TMEM132B: variants seen among roughly 807,000 people sequenced by gnomAD.
The protein encoded by TMEM132B is transmembrane protein 132B.
Under a neutral mutation model 90.8 loss-of-function variants are expected in TMEM132B, and 18 were observed. The ratio of observed to expected loss-of-function variants is 0.20; its 90% CI spans 0.14 to 0.29. The LOEUF is 0.29. Ranked by LOEUF, TMEM132B falls within the 10% of genes least tolerant of loss-of-function variation. The pLI, the probability that TMEM132B is intolerant of heterozygous loss-of-function variation, is 1.00. For synonymous variants in TMEM132B, 504 were observed against 523.3 expected, an observed-to-expected ratio of 0.96 and a Z score of 0.50; for missense variants, 1,096 against 1,326.8, an observed-to-expected ratio of 0.83 and a Z score of 2.70.
chr12:125,396,213 A>G (rs570494753), intron 2 of TMEM132B, among the ~76,000 whole-genome samples: 1 of 152,286 alleles, frequency 6.6e-6, no homozygotes, highest in South Asian at 2.1e-4. Context: ...TTCTGGTCTT[A>G]TGTGTGTGGG....
intron 4 of TMEM132B, among the ~76,000 whole-genome samples, chr12:125,577,806 T>G (rs1884971942): frequency 6.6e-6 from 1 of 152,062 alleles, no homozygotes; most frequent in African/African-American, 2.4e-5. Flanking sequence ...TGTGTTTTCA[T>G]TTTTACTCAT....
chr12:125,445,577 G>A lies in TMEM132B; in HGVS notation c.1106+29900G>A, dbSNP rs1239333421. On this transcript the variant is annotated intron_variant, in intron 3 of 8. Coordinates refer to ENST00000682704, the MANE Select transcript of TMEM132B (RefSeq NM_001366854.1). This position sits in a 1 kb window ranked among gnomAD's most constrained non-coding sequence, Gnocchi z 4.3. ...TTCTTCTTTTTCCTGCTGACATCTGGCTGCAGTGGTGCATGGGCAGGACAT... is the reference window on the plus strand; with the variant it reads ...TTCTTCTTTTTCCTGCTGACATCTGACTGCAGTGGTGCATGGGCAGGACAT... 6.6e-6 allele frequency among the ~76,000 whole-genome samples: 1 copy of A among 152,180 alleles called. No individual in the cohort carries two copies. The highest frequency in any genetic ancestry group is 1.9e-4 in the East Asian group (1 of 5,196).
chr12:125,370,898 G>A (rs1172573764), intron 2 of TMEM132B, among the ~76,000 whole-genome samples: 1 of 152,200 alleles, frequency 6.6e-6, no homozygotes, highest in Non-Finnish European at 1.5e-5. Context: ...ATATGACAGG[G>A]AGTTTATGAA....
intron 3 of TMEM132B, among the ~76,000 whole-genome samples, chr12:125,426,442 A>C (rs1880322274): frequency 6.6e-6 from 1 of 152,200 alleles, no homozygotes; most frequent in Middle Eastern, 3.2e-3. Context: ...ATGACTAAAA[A>C]GTTCTAAAGT....
At chr12:125,298,214 C>T (rs1875719014) in intron 1 of TMEM132B, among the ~76,000 whole-genome samples, 1 of 152,100 alleles carries the variant, frequency 6.6e-6, no homozygotes, top group Non-Finnish European at 1.5e-5. Context: ...TGCGCCACTG[C>T]ACTCCAGCTT....
intron 5 of TMEM132B, among the ~76,000 whole-genome samples, chr12:125,602,937 A>G (rs1467470901): frequency 1.3e-5 from 2 of 152,202 alleles, no homozygotes; most frequent in Non-Finnish European, 2.9e-5. Context: ...GGAGAACTAC[A>G]AACCACTGCT....
At chr12:125,613,569 G>T (rs1885915558) in intron 5 of TMEM132B, among the ~76,000 whole-genome samples, 2 of 151,388 alleles carry the variant, frequency 1.3e-5, no homozygotes, top group Admixed American at 6.6e-5. Flanking sequence ...CACTATTTTT[G>T]AGTTATTTTC....
chr12:125,471,655 A>G (rs1881725642), intron 3 of TMEM132B, among the ~76,000 whole-genome samples: 1 of 152,174 alleles, frequency 6.6e-6, no homozygotes, highest in African/African-American at 2.4e-5. Flanking sequence ...GTCAGGGTTA[A>G]ACAGTGAGTC....
chr12:125,594,704 T>C (rs889947107), intron 5 of TMEM132B, among the ~76,000 whole-genome samples: 2 of 152,232 alleles, frequency 1.3e-5, no homozygotes, highest in Non-Finnish European at 2.9e-5. Context: ...TTTAAATCTT[T>C]TAAATTAGGT....
chr12:125,630,929 G>GA (rs35415363), intron 5 of TMEM132B, among the ~76,000 whole-genome samples: 23,269 of 151,722 alleles, frequency 0.15, 2,008 homozygotes, highest in African/African-American at 0.21. Flanking sequence ...CTCATTCTTA[G>GA]AAAAAAACAA....
chr12:125,426,746 A>T (rs1404205650), intron 3 of TMEM132B, among the ~76,000 whole-genome samples: 1 of 152,202 alleles, frequency 6.6e-6, no homozygotes, highest in Non-Finnish European at 1.5e-5. Context: ...CCTGTTGCCT[A>T]TCTCAGTAAA....
At chr12:125,262,962 C>T (rs1874601869) in intron 1 of TMEM132B, among the ~76,000 whole-genome samples, 1 of 152,236 alleles carries the variant, frequency 6.6e-6, no homozygotes, top group African/African-American at 2.4e-5. Context: ...ACCAGCCTCC[C>T]AGGCCCCTTG....
intron 1 of TMEM132B, among the ~76,000 whole-genome samples, chr12:125,263,890 C>T (rs1010502446): frequency 6.6e-6 from 1 of 152,100 alleles, no homozygotes; most frequent in Non-Finnish European, 1.5e-5. Context: ...CAGACATAGT[C>T]CTGGGTACTG....
At chr12:125,530,378 T>C (rs1161746688) in intron 4 of TMEM132B, among the ~76,000 whole-genome samples, 1 of 152,120 alleles carries the variant, frequency 6.6e-6, no homozygotes, top group Non-Finnish European at 1.5e-5. Context: ...AAGCTCCATC[T>C]GGTTTGGGGG....
intron 1 of TMEM132B, chr12:125,326,684 G>A: frequency 1.9e-6 from 3 of 1,604,484 alleles, no homozygotes; most frequent in Non-Finnish European, 2.5e-6. Flanking sequence ...AGGTCGGAAG[G>A]AAGGGAATGG....
At chr12:125,610,321 G>A (rs1272036370) in intron 5 of TMEM132B, among the ~76,000 whole-genome samples, 4 of 152,010 alleles carry the variant, frequency 2.6e-5, no homozygotes, top group African/African-American at 7.2e-5. Flanking sequence ...CTAATCTTAC[G>A]GTGGCATAAG....
At chr12:125,398,309 G>A (rs1270767795) in intron 2 of TMEM132B, among the ~76,000 whole-genome samples, 1 of 152,144 alleles carries the variant, frequency 6.6e-6, no homozygotes, top group Non-Finnish European at 1.5e-5. Context: ...GCCTTCTAGG[G>A]GGTGGTATCT....
At chr12:125,315,750 G>C (rs2136183658) in intron 1 of TMEM132B, among the ~76,000 whole-genome samples, 1 of 152,236 alleles carries the variant, frequency 6.6e-6, no homozygotes, top group Middle Eastern at 3.4e-3. Flanking sequence ...AGGGGTGATG[G>C]GACTTGGAGT....
At chr12:125,229,642 A>G (rs1320871567) in intron 1 of TMEM132B, among the ~76,000 whole-genome samples, 2 of 152,248 alleles carry the variant, frequency 1.3e-5, no homozygotes, top group Non-Finnish European at 2.9e-5. Context: ...TGAAAAAATC[A>G]AGGCACAGAT....
Sources: gnomAD v4.1 joint callset for allele counts (sites outside exome capture counted in the v4.1 genomes callset) on GRCh38, gnomAD v4.1.1 for gene constraint, Gnocchi (gnomAD v3.1) non-coding constraint, MANE v1.5 for transcripts, NCBI Gene and HGNC (gene_info 2026-07-23, HGNC 2026-07-21) for gene names.